Variants in TTC3 observed in about 807,000 individuals in gnomAD.
TTC3 encodes E3 ubiquitin-protein ligase TTC3.
A neutral mutation model predicts 249.6 loss-of-function variants in TTC3; 180 were observed. The observed-to-expected ratio is 0.72, with a 90% CI of 0.64 to 0.82. The LOEUF (loss-of-function observed/expected upper bound fraction) is 0.82, where lower values mean the gene tolerates loss of function less well. TTC3 is among the 40% of genes least tolerant of loss of function. TTC3 has a pLI of 0.00. For missense variants in TTC3, 2,061 were observed against 2,398.4 expected, an observed-to-expected ratio of 0.86 and a Z score of 2.94; for synonymous variants, 717 against 805.0, an observed-to-expected ratio of 0.89 and a Z score of 1.85.
chr21:37,092,110 G>A (rs143284733), intron 7 of TTC3, among the ~76,000 whole-genome samples: 1 of 152,254 alleles, frequency 6.6e-6, no homozygotes, highest in Admixed American at 6.5e-5. Flanking sequence ...TGAGGTAACT[G>A]CCTTACATAT....
rs373455362 is a variant in TTC3, at chr21:37,088,789, T to C, written c.339-10T>C. ...AATCTAATCTTTTAAAAAATAAATT[T>C]GTCTTTAAGCAATTCACGTGCTTCT... On this transcript the variant is annotated splice_polypyrimidine_tract_variant and intron_variant, in intron 4 of 45. Transcript: ENST00000355666. 17 of 1,605,906 alleles carry C rather than the reference T, an allele frequency of 1.1e-5. No individual in the cohort carries two copies. In the East Asian group the frequency reaches 3.8e-4, roughly 36 times the overall value.
At chr21:37,171,548 C>T (rs758815709) in intron 34 of TTC3, among the ~76,000 whole-genome samples, 3 of 152,154 alleles carry the variant, frequency 2.0e-5, no homozygotes, top group South Asian at 2.1e-4. Flanking sequence ...AATTCATTCA[C>T]GACAGCAAGT....
At chr21:37,095,692 A>G (rs1001106002) in intron 9 of TTC3, among the ~76,000 whole-genome samples, 14 of 152,244 alleles carry the variant, frequency 9.2e-5, no homozygotes, top group Non-Finnish European at 1.9e-4. Flanking sequence ...AAAACTTTCC[A>G]GTACAGAGTT....
chr21:37,185,942 A>C, intron 37 of TTC3, 168 bp downstream of exon 37: 1 of 285,414 alleles, frequency 3.5e-6, no homozygotes, highest in Non-Finnish European at 6.6e-6. Context: ...TAATTTATAA[A>C]TATATTCTTT....
exon 46 of TTC3, chr21:37,202,929 A>G (rs1316477358): frequency 6.6e-6 from 1 of 152,214 alleles, no homozygotes; most frequent in African/African-American, 2.4e-5. Flanking sequence ...CTGCATATCC[A>G]TAAGAATTGA....
At position 37,138,715 on chromosome 21, in the gene TTC3, G is replaced by A. The variant is rs1375127376; in HGVS notation, c.1659+1G>A. 1 of 1,596,428 alleles carries A rather than the reference G, an allele frequency of 6.3e-7. No homozygotes were observed. Among genetic ancestry groups the A allele is most frequent in the Middle Eastern group, 1.7e-4 (1 of 6,008 alleles). On this transcript the variant is annotated splice_donor_variant, in intron 19 of 45. Coordinates refer to ENST00000355666, the Ensembl canonical transcript of TTC3. LOFTEE classifies it high-confidence loss of function. ...TCTCCTTGGAATAGGACAGCCTGAG[G>A]TAAGATTTGTAACAGTGGTAATAAA...
intron 37 of TTC3, 120 bp downstream of exon 37, chr21:37,185,894 T>C (rs2083213480): frequency 9.0e-6 from 4 of 444,298 alleles, no homozygotes; most frequent in Non-Finnish European, 1.1e-5. Flanking sequence ...ATTATGTTTC[T>C]GTTTTCTTTA....
chr21:37,122,407 A>G (rs886712323), intron 12 of TTC3, among the ~76,000 whole-genome samples: 3 of 45,080 alleles, frequency 6.7e-5, no homozygotes, highest in Admixed American at 2.4e-4. Flanking sequence ...CGTGCTGAAT[A>G]TATATATATA....
chr21:37,113,977 C>A (rs2075901511), intron 11 of TTC3, among the ~76,000 whole-genome samples: 2 of 152,074 alleles, frequency 1.3e-5, no homozygotes, highest in African/African-American at 4.8e-5. Context: ...GGAAAACTGG[C>A]CAACCATATG....
At chr21:37,157,409 G>GGT (rs1238563559) in intron 28 of TTC3, among the ~76,000 whole-genome samples, 1 of 152,216 alleles carries the variant, frequency 6.6e-6, no homozygotes, top group African/African-American at 2.4e-5. Flanking sequence ...CCAGTGATGG[G>GGT]TGTTGAGAAG....
Position 37,188,491 on chromosome 21 carries a change from G to T in TTC3, c.4924-4G>T. The T allele has an allele frequency of 6.2e-7, 1 of 1,611,208 alleles. No individual in the cohort carries two copies. Among genetic ancestry groups the T allele is most frequent in the Non-Finnish European group, 8.5e-7 (1 of 1,177,862 alleles). ...TACTCATATGTCTTCTGATCTACTG[G>T]CAGGTATCCGTACTTGAAAACTGGA... On this transcript the variant is annotated splice_polypyrimidine_tract_variant and splice_region_variant and intron_variant, in intron 38 of 45. Coordinates refer to ENST00000355666, the Ensembl canonical transcript of TTC3.
chr21:37,201,594 C>A, exon 46 of TTC3: 1 of 1,604,396 alleles, frequency 6.2e-7, no homozygotes, highest in South Asian at 1.1e-5. Flanking sequence ...ACTAAAGTGT[C>A]ATCCACCAGT....
intron 11 of TTC3, among the ~76,000 whole-genome samples, 155 bp downstream of exon 11, chr21:37,108,601 G>C (rs1284798858): frequency 6.6e-6 from 1 of 152,142 alleles, no homozygotes; most frequent in Non-Finnish European, 1.5e-5. Flanking sequence ...GATCAGCGTG[G>C]GGACCCAGCC....
intron 2 of TTC3, 35 bp from the exon 3 acceptor site, chr21:37,087,798 C>T: frequency 1.3e-6 from 2 of 1,490,790 alleles, no homozygotes; most frequent in Non-Finnish European, 1.8e-6. Flanking sequence ...GAACATTTTA[C>T]TAGACACAAA....
chr21:37,112,614 T>C (rs2075774504), intron 11 of TTC3, among the ~76,000 whole-genome samples: 1 of 152,132 alleles, frequency 6.6e-6, no homozygotes, highest in African/African-American at 2.4e-5. Flanking sequence ...CCATAGGTAC[T>C]AGGAGGAGCT....
At chr21:37,159,745 G>A (rs747086778) in exon 29 of TTC3, 19 of 1,597,096 alleles carry the variant, frequency 1.2e-5, no homozygotes, top group Admixed American at 5.2e-5. Flanking sequence ...GTGAAGCACC[G>A]GTAAGTTACT....
At chr21:37,189,144 A>G (rs1477561485) in intron 39 of TTC3, among the ~76,000 whole-genome samples, 4 of 152,214 alleles carry the variant, frequency 2.6e-5, no homozygotes, top group Admixed American at 2.6e-4. Flanking sequence ...TGCTTTCCAT[A>G]GTAGCTATTA....
intron 38 of TTC3, chr21:37,188,227 T>C (rs185625719): frequency 3.2e-5 from 10 of 312,768 alleles, no homozygotes; most frequent in Non-Finnish European, 4.9e-5. Flanking sequence ...TCTGTGCTTA[T>C]ATATAGCTTA....
intron 1 of TTC3, among the ~76,000 whole-genome samples, chr21:37,078,883 G>C (rs1334779515): frequency 6.6e-6 from 1 of 152,182 alleles, no homozygotes; most frequent in Non-Finnish European, 1.5e-5. Flanking sequence ...AGTGGGCATA[G>C]AGTTCTTGTT....
Sources: allele counts gnomAD v4.1 joint callset (sites outside exome capture counted in the v4.1 genomes callset), GRCh38; gene constraint gnomAD v4.1.1; transcripts MANE v1.5; gene names NCBI Gene and HGNC (gene_info 2026-07-23, HGNC 2026-07-21).